The following ZNF605 variants were observed in gnomAD, a reference collection of about 807,000 sequenced individuals.
ZNF605 encodes zinc finger protein 605.
Under a neutral mutation model 7.9 loss-of-function variants are expected in ZNF605, and 9 were observed. The ratio of observed to expected loss-of-function variants is 1.14; its 90% CI spans 0.68 to 1.98. The LOEUF is 1.98. ZNF605 is among the 30% of genes most tolerant of loss of function. The pLI, the probability that ZNF605 is intolerant of heterozygous loss-of-function variation, is 0.00. For synonymous variants in ZNF605, 255 were observed against 260.1 expected (o/e 0.98, Z 0.19); for missense variants, 673 against 762.4 (o/e 0.88, Z 1.38).
intron 1 of ZNF605, among the ~76,000 whole-genome samples, chr12:132,949,286 A>T (rs1361069429): frequency 1.3e-5 from 2 of 152,180 alleles, no homozygotes; most frequent in Non-Finnish European, 2.9e-5. Context: ...AGGCTGTTTG[A>T]GCACAAAGGA....
intron 3 of ZNF605, among the ~76,000 whole-genome samples, chr12:132,936,694 A>G (rs2137139237): frequency 6.6e-6 from 1 of 152,322 alleles, no homozygotes; most frequent in Admixed American, 6.5e-5. Flanking sequence ...CTCAACACAT[A>G]CCTCACACCT....
At chr12:132,935,608 A>G (rs1229290199) in intron 3 of ZNF605, among the ~76,000 whole-genome samples, 1 of 142,812 alleles carries the variant, frequency 7.0e-6, no homozygotes, top group African/African-American at 2.5e-5. Context: ...TAAAAAAAAA[A>G]TCATCCAGGT....
At chr12:132,945,189 C>A in intron 3 of ZNF605, 1 of 551,954 alleles carries the variant, frequency 1.8e-6, no homozygotes, top group Non-Finnish European at 3.2e-6. Flanking sequence ...GTCTCAAACT[C>A]CTGACCTCAA....
At chr12:132,927,197 T>C in intron 4 of ZNF605, 35 bp from the exon 5 acceptor site, 3 of 1,435,632 alleles carry the variant, frequency 2.1e-6, no homozygotes, top group East Asian at 4.7e-5. Flanking sequence ...TACTGTGTAA[T>C]TCCTTCAATT....
chr12:132,950,466 C>CGT (rs1952546006), intron 1 of ZNF605, among the ~76,000 whole-genome samples: 2 of 151,170 alleles, frequency 1.3e-5, no homozygotes, highest in Admixed American at 6.6e-5. Flanking sequence ...CACATACAGA[C>CGT]ACACAGACAT....
chr12:132,939,796 T>A (rs1952414959), intron 3 of ZNF605, among the ~76,000 whole-genome samples: 1 of 152,158 alleles, frequency 6.6e-6, no homozygotes, highest in South Asian at 2.1e-4. Context: ...GGGTCCACGC[T>A]GCTTTTATGA....
chr12:132,951,285 TACAC>T (rs750347311), intron 1 of ZNF605, among the ~76,000 whole-genome samples: 2 of 149,048 alleles, frequency 1.3e-5, no homozygotes, highest in East Asian at 2.0e-4. Flanking sequence ...CAGATACACG[TACAC>T]ACAGACACGT....
At chr12:132,940,814 ATGC>A (rs1952428642) in intron 3 of ZNF605, among the ~76,000 whole-genome samples, 1 of 152,054 alleles carries the variant, frequency 6.6e-6, no homozygotes, top group African/African-American at 2.4e-5. Context: ...TTACTGCGTA[ATGC>A]TGAGGTTTGG....
rs1444154362 is a variant in ZNF605, at chr12:132,926,085, T to G, written c.1214A>C (p.Lys405Thr). The G allele has an allele frequency of 4.3e-6, 7 of 1,614,094 alleles. No individual in the cohort carries two copies. The highest frequency in any genetic ancestry group is 5.1e-6 in the Non-Finnish European group (6 of 1,180,046). The change falls in exon 5 of 5, where the codon AAG becomes ACG. Residue 405 changes from lysine (K) to threonine (T), a missense_variant. Coordinates refer to ENST00000360187, the MANE Select transcript of ZNF605 (RefSeq NM_183238.4). The stretch of plus-strand genomic sequence containing the variant: ...TTTTTGATGTCTTATTAACTCTGAC[T>G]TCTTAAAGAAGGCCTCCTCACAATC... ...CSDCEEAFFKKSELIRHQKIH... is the reference protein window; with the variant it reads ...CSDCEEAFFKTSELIRHQKIH...
chr12:132,928,098 G>A (rs1482368054), intron 4 of ZNF605, among the ~76,000 whole-genome samples: 1 of 150,762 alleles, frequency 6.6e-6, no homozygotes, highest in Non-Finnish European at 1.5e-5. Flanking sequence ...TATCTACTAT[G>A]TGTCCAGAAC....
rs759558049 is a variant in ZNF605, at chr12:132,925,357, G to A, written c.*16C>T. ...ACTTGATAGCAACCTTTCTGCATTC[G>A]CCAAAGTCATGATTTTTATATTATA... On this transcript the variant is annotated 3_prime_UTR_variant, in exon 5 of 5. Transcript: ENST00000360187. The A allele has an allele frequency of 8.4e-6, 13 of 1,538,718 alleles. No individual in the cohort carries two copies. The highest frequency in any genetic ancestry group is 3.8e-5 in the South Asian group (3 of 79,952).
At chr12:132,939,749 C>T (rs890492079) in intron 3 of ZNF605, among the ~76,000 whole-genome samples, 41 of 152,272 alleles carry the variant, frequency 2.7e-4, no homozygotes, top group Middle Eastern at 3.4e-3. Flanking sequence ...TTTGTTCTTT[C>T]GCTCTTTGCA....
chr12:132,926,245 G>A lies in ZNF605; in HGVS notation c.1054C>T (p.Leu352Phe), dbSNP rs1952246032. Residue 352 changes from leucine (L) to phenylalanine (F), a missense_variant, in exon 5 of 5, where the codon CTC (leucine) becomes TTC (phenylalanine). By Grantham distance (22) the Leu-to-Phe change is conservative (BLOSUM62 0). Transcript: ENST00000360187. Reference sequence around the variant, plus strand: ...GTATGAATCCTCTGATGCCTAATGAGAAGTGAGTTCCTGCTGAAGGCTTTT... The same window carrying A: ...GTATGAATCCTCTGATGCCTAATGAAAAGTGAGTTCCTGCTGAAGGCTTTT... The part of the protein sequence containing the change: ...CQKAFSRNSL[L>F]IRHQRIHTGE... 1 of 1,614,042 alleles carries A rather than the reference G, an allele frequency of 6.2e-7. No homozygotes were observed. Among genetic ancestry groups the A allele is most frequent in the Non-Finnish European group, 8.5e-7 (1 of 1,180,034 alleles).
intron 4 of ZNF605, among the ~76,000 whole-genome samples, chr12:132,928,031 C>T (rs1952266178): frequency 6.6e-6 from 1 of 152,162 alleles, no homozygotes; most frequent in East Asian, 1.9e-4. Context: ...GAGCCTGGAG[C>T]AATTTCCAAT....
chr12:132,951,476 AT>A (rs1952565643), intron 1 of ZNF605, among the ~76,000 whole-genome samples: 2 of 151,820 alleles, frequency 1.3e-5, no homozygotes, highest in Admixed American at 1.3e-4. Flanking sequence ...ATGCACGCAG[AT>A]TCATACATAC....
At chr12:132,927,228 C>T (rs1379064167) in intron 4 of ZNF605, 66 bp from the exon 5 acceptor site, 17 of 1,195,228 alleles carry the variant, frequency 1.4e-5, no homozygotes, top group Non-Finnish European at 1.9e-5. Context: ...TTGCATAAAG[C>T]TTCTGAAATG....
At chr12:132,951,570 A>G (rs2137166230) in intron 1 of ZNF605, among the ~76,000 whole-genome samples, 1 of 127,304 alleles carries the variant, frequency 7.9e-6, no homozygotes, top group Non-Finnish European at 1.8e-5. Flanking sequence ...GCACACGTAT[A>G]CCATACACAC....
At position 132,926,176 on chromosome 12, in the gene ZNF605, T is replaced by A; in HGVS notation, c.1123A>T (p.Ile375Phe). The A allele has an allele frequency of 1.2e-6, 2 of 1,614,174 alleles. No homozygotes were observed. Among genetic ancestry groups the A allele is most frequent in the East Asian group, 2.2e-5 (1 of 44,878 alleles). The part of the protein sequence containing the change: ...YECNECGEAF[I>F]RKPQLIKHQI... ...TGTTTAATCAGCTGTGGTTTTCTGA[T>A]GAAGGCTTCACCACATTCGTTGCAT... is the stretch of plus-strand genomic sequence containing the variant. The change falls in exon 5 of 5, where the codon ATC (isoleucine) becomes TTC (phenylalanine). Residue 375 changes from isoleucine to phenylalanine, a missense_variant. Ile to Phe is a conservative substitution (Grantham distance 21). Coordinates refer to ENST00000360187, the MANE Select transcript of ZNF605 (RefSeq NM_183238.4).
chr12:132,939,151 G>C (rs1433087069), intron 3 of ZNF605, among the ~76,000 whole-genome samples: 1 of 152,124 alleles, frequency 6.6e-6, no homozygotes, highest in Non-Finnish European at 1.5e-5. Flanking sequence ...GCACAGCGCA[G>C]GACTGGCAGG....
Sources: allele counts gnomAD v4.1 joint callset (sites outside exome capture counted in the v4.1 genomes callset), GRCh38; gene constraint gnomAD v4.1.1; transcripts MANE v1.5; gene names NCBI Gene and HGNC (gene_info 2026-07-23, HGNC 2026-07-21).